HEBP2: variants seen among roughly 807,000 people sequenced by gnomAD.
The protein encoded by HEBP2 is heme binding protein 2, also known as heme-binding protein 2.
A neutral mutation model predicts 23.1 loss-of-function variants in HEBP2; 27 were observed. The ratio of observed to expected loss-of-function variants is 1.17; its 90% confidence interval spans 0.86 to 1.61. HEBP2 has a LOEUF of 1.61. Among genes scored for constraint, HEBP2 ranks in the 40% most tolerant of loss-of-function variants. The pLI is 0.00. For synonymous variants in HEBP2, 99 were observed against 95.1 expected, an observed-to-expected ratio of 1.04 and a Z score of -0.24; for missense variants, 245 against 253.8, an observed-to-expected ratio of 0.97 and a Z score of 0.24.
chr6:138,412,076 T>G (rs1182754749), intron 3 of HEBP2: 2 of 449,370 alleles, frequency 4.5e-6, no homozygotes, highest in Non-Finnish European at 8.9e-6. Context: ...TTTATTCTTT[T>G]CCTTAGGAGA....
chr6:138,422,048 T>C lies in HEBP2; in HGVS notation c.*8970T>C, dbSNP rs1562244737. The C allele has an allele frequency of 6.7e-6, 1 of 149,454 alleles. No homozygotes were observed. The highest frequency in any genetic ancestry group is 1.9e-4 in the East Asian group (1 of 5,192). 9.3% of individuals were successfully genotyped at this position (149,454 alleles called of 1,614,324 possible). On this transcript the variant is annotated 3_prime_UTR_variant, in exon 4 of 4. Coordinates refer to ENST00000607197, the MANE Select transcript of HEBP2 (RefSeq NM_014320.3). Reference sequence around the variant, plus strand: ...AAAAAGAAATATTTCAAATATTTACTTTACAATTGTTTTATTCAAAGGAAA... The same window carrying C: ...AAAAAGAAATATTTCAAATATTTACCTTACAATTGTTTTATTCAAAGGAAA...
At chr6:138,405,082 T>A in intron 1 of HEBP2, 63 bp from the exon 2 acceptor site, 1 of 1,565,406 alleles carries the variant, frequency 6.4e-7, no homozygotes, top group East Asian at 2.3e-5. Context: ...GGCACCGGTA[T>A]TTTTGCATCT....
chr6:138,404,197 A>T, upstream of HEBP2: 1 of 282,156 alleles, frequency 3.5e-6, no homozygotes, highest in African/African-American at 2.2e-5. Flanking sequence ...GCCTCAAAAG[A>T]AGGCGGGCCG....
chr6:138,412,574 CTCCCAAG>C (rs1774765557), intron 3 of HEBP2, among the ~76,000 whole-genome samples: 1 of 152,222 alleles, frequency 6.6e-6, no homozygotes, highest in African/African-American at 2.4e-5. Flanking sequence ...CTGCTTCAGC[CTCCCAAG>C]TAACTGGGAC....
rs1245128049 is a variant in HEBP2 at position 138,413,102 on chromosome 6, G to A, written c.*24G>A. 3.8e-6 allele frequency: 6 copies of A among 1,580,534 alleles called. No homozygotes were observed. The highest frequency in any genetic ancestry group is 2.2e-5 in the East Asian group (1 of 44,680). On this transcript the variant is annotated 3_prime_UTR_variant, in exon 4 of 4. Coordinates refer to ENST00000607197, the MANE Select transcript of HEBP2 (RefSeq NM_014320.3). The stretch of plus-strand genomic sequence containing the variant: ...GAGAAAAATGAAAGGAAGTTCTGCT[G>A]TCAGAGGCAAAACATCTGTTTATCA...
chr6:138,410,567 C>T (rs553442328), intron 3 of HEBP2, among the ~76,000 whole-genome samples: 9 of 151,544 alleles, frequency 5.9e-5, no homozygotes, highest in South Asian at 4.2e-4. Flanking sequence ...CTGCAATGTC[C>T]GCCTCCCAGG....
rs1425900556 is a variant in HEBP2, at chr6:138,420,960, G to C, written c.*7882G>C. 6.6e-6 allele frequency: 1 copy of C among 152,102 alleles called. No homozygotes were observed. The highest frequency in any genetic ancestry group is 1.5e-5 in the Non-Finnish European group (1 of 68,026). 9.4% of individuals were successfully genotyped at this position (152,102 alleles called of 1,614,324 possible). On this transcript the variant is annotated 3_prime_UTR_variant, in exon 4 of 4. Coordinates refer to ENST00000607197, the MANE Select transcript of HEBP2 (RefSeq NM_014320.3). ...CCTAGCACATGAGAAGCATTTATTAGGACTTTTTTTCCCCCATTGCTGAAC... is the reference window on the plus strand; with the variant it reads ...CCTAGCACATGAGAAGCATTTATTACGACTTTTTTTCCCCCATTGCTGAAC...
In HEBP2 at chr6:138,415,466, C is replaced by T. The variant is rs566738408; in HGVS notation, c.*2388C>T. 1 of 152,260 alleles carries T rather than the reference C, an allele frequency of 6.6e-6. No homozygotes were observed. Among genetic ancestry groups the T allele is most frequent in the Non-Finnish European group, 1.5e-5 (1 of 68,040 alleles). The allele number at this position is 152,260 out of a possible 1,614,324, so 9.4% of individuals were successfully genotyped here. On this transcript the variant is annotated 3_prime_UTR_variant, in exon 4 of 4. Coordinates refer to ENST00000607197, the MANE Select transcript of HEBP2 (RefSeq NM_014320.3). Reference sequence around the variant, plus strand: ...TGACTGGTGGGTGATTTGGGTGTCTCAAATATGGGAAGGGTGGATAAAAGA... The same window carrying T: ...TGACTGGTGGGTGATTTGGGTGTCTTAAATATGGGAAGGGTGGATAAAAGA...
chr6:138,405,048 G>C, intron 1 of HEBP2, 97 bp from the exon 2 acceptor site: 1 of 1,365,858 alleles, frequency 7.3e-7, no homozygotes, highest in Non-Finnish European at 1.0e-6. Context: ...TAGACAGGAC[G>C]GCTCCAGGTC....
chr6:138,405,241 A>T lies in HEBP2; in HGVS notation c.199A>T (p.Thr67Ser). ...DWDSAIQTGFTKLNSYIQGKN... is the reference protein window; with the variant it reads ...DWDSAIQTGFSKLNSYIQGKN... ...GGATTCAGCCATCCAGACGGGCTTT[A>T]CGAAACTGAACAGCTACATTCAAGG... The change falls in exon 2 of 4, where the codon ACG becomes TCG. Residue 67 changes from threonine to serine, a missense_variant. By Grantham distance (58) the Thr-to-Ser change is moderately conservative (BLOSUM62 1). Coordinates refer to ENST00000607197, the MANE Select transcript of HEBP2 (RefSeq NM_014320.3). 6.2e-7 allele frequency: 1 copy of T among 1,614,242 alleles called. No individual in the cohort carries two copies. The highest frequency in any genetic ancestry group is 2.2e-5 in the East Asian group (1 of 44,890).
In HEBP2 at chr6:138,421,467, T is replaced by G. The variant is rs1774928669; in HGVS notation, c.*8389T>G. ...TGGCAGAAAGCAGATCGCATTGAGG[T>G]TGTTTCCAACTGACAGACCAAGCAG... On this transcript the variant is annotated 3_prime_UTR_variant, in exon 4 of 4. Coordinates refer to ENST00000607197, the MANE Select transcript of HEBP2 (RefSeq NM_014320.3). The G allele has an allele frequency of 6.6e-6, 1 of 152,144 alleles. No homozygotes were observed. The highest frequency in any genetic ancestry group is 2.4e-5 in the African/African-American group (1 of 41,420). 9.4% of individuals were successfully genotyped at this position (152,144 alleles called of 1,614,324 possible).
At chr6:138,408,837 C>T (rs57046361) in intron 3 of HEBP2, among the ~76,000 whole-genome samples, 1 of 152,056 alleles carries the variant, frequency 6.6e-6, no homozygotes, top group Non-Finnish European at 1.5e-5. Flanking sequence ...TCAACTCCCT[C>T]AGTCGAATGA....
chr6:138,410,765 C>T (rs1445765935), intron 3 of HEBP2, among the ~76,000 whole-genome samples: 3 of 152,280 alleles, frequency 2.0e-5, no homozygotes, highest in East Asian at 1.9e-4. Flanking sequence ...AGACTACAGG[C>T]GTGAGCCACC....
At position 138,404,610 on chromosome 6, in the gene HEBP2, T is replaced by A; in HGVS notation, c.102+13T>A. ...CGCCGGCCCCCAGGTAGGCGCCGAC[T>A]CGGGAGCGGAGGGGCTGGGCCCGCC... On this transcript the variant is annotated intron_variant, in intron 1 of 3. Coordinates refer to ENST00000607197, the MANE Select transcript of HEBP2 (RefSeq NM_014320.3). 7.9e-7 allele frequency: 1 copy of A among 1,266,330 alleles called. No homozygotes were observed. The highest frequency in any genetic ancestry group is 1.0e-6 in the Non-Finnish European group (1 of 1,004,312). 78.4% of individuals were successfully genotyped at this position (1,266,330 alleles called of 1,614,324 possible). A position where few individuals can be genotyped will look rare whatever the true frequency, so the allele number is the denominator to read the frequency against.
chr6:138,411,478 C>T (rs907450569), intron 3 of HEBP2, among the ~76,000 whole-genome samples: 8 of 152,184 alleles, frequency 5.3e-5, no homozygotes, highest in African/African-American at 1.9e-4. Context: ...CCTTCCTGAC[C>T]TCATTTTATG....
rs1583110662 is a variant in HEBP2, at chr6:138,421,271, C to G, written c.*8193C>G. On this transcript the variant is annotated 3_prime_UTR_variant, in exon 4 of 4. Coordinates refer to ENST00000607197, the MANE Select transcript of HEBP2 (RefSeq NM_014320.3). ...CTACGGCAGAACCAAGAAAGCCACTCTTTCCCCTCTCCTCCTAAGATGCCA... is the reference window on the plus strand; with the variant it reads ...CTACGGCAGAACCAAGAAAGCCACTGTTTCCCCTCTCCTCCTAAGATGCCA... 2.0e-5 allele frequency: 3 copies of G among 152,320 alleles called. No homozygotes were observed. Among genetic ancestry groups the G allele is most frequent in the African/African-American group, 7.2e-5 (3 of 41,574 alleles). 9.4% of individuals were successfully genotyped at this position (152,320 alleles called of 1,614,324 possible).
At chr6:138,404,994 A>T (rs1774615338) in intron 1 of HEBP2, 151 bp from the exon 2 acceptor site, 1 of 725,376 alleles carries the variant, frequency 1.4e-6, no homozygotes, top group Admixed American at 2.8e-5. Flanking sequence ...TCCCAGACCT[A>T]AGGAGCGGGG....
intron 3 of HEBP2, among the ~76,000 whole-genome samples, chr6:138,409,435 A>G (rs1774706615): frequency 2.0e-5 from 3 of 152,138 alleles, no homozygotes; most frequent in South Asian, 2.1e-4. Context: ...CCTCCTCTCT[A>G]TCACCATTGT....
intron 3 of HEBP2, among the ~76,000 whole-genome samples, chr6:138,406,369 C>T (rs1173402802): frequency 6.6e-6 from 1 of 152,208 alleles, no homozygotes; most frequent in African/African-American, 2.4e-5. Flanking sequence ...GCATGCCCTT[C>T]ATATAAGACA....
Sources: gnomAD v4.1 joint callset for allele counts (sites outside exome capture counted in the v4.1 genomes callset) on GRCh38, gnomAD v4.1.1 for gene constraint, MANE v1.5 for transcripts, NCBI Gene and HGNC (gene_info 2026-07-23, HGNC 2026-07-21) for gene names.